Variants in BTBD9 observed in about 807,000 individuals in gnomAD.
BTBD9 encodes the protein BTB domain containing 9, also known as BTB/POZ domain-containing protein 9.
In BTBD9, 49 loss-of-function variants were observed where a neutral mutation model predicts 64.3. That is an observed-to-expected ratio of 0.76 (90% CI 0.61 to 0.97). BTBD9 has a LOEUF of 0.97. Among genes scored for constraint, BTBD9 ranks in the 50% least tolerant of loss-of-function variants. BTBD9 has a pLI of 0.00. For synonymous variants in BTBD9, 260 were observed against 274.7 expected, an observed-to-expected ratio of 0.95 and a Z score of 0.53; for missense variants, 598 against 762.1, an observed-to-expected ratio of 0.78 and a Z score of 2.53.
intron 10 of BTBD9, among the ~76,000 whole-genome samples, chr6:38,182,579 C>G (rs1158689604): frequency 1.3e-5 from 2 of 152,192 alleles, no homozygotes. Flanking sequence ...CAGGGCTGGC[C>G]CATGTGTCTC....
At chr6:38,625,047 A>C (rs1778122925) in intron 1 of BTBD9, among the ~76,000 whole-genome samples, 1 of 152,170 alleles carries the variant, frequency 6.6e-6, no homozygotes, top group African/African-American at 2.4e-5. Flanking sequence ...TCTCCTCCTC[A>C]ATTATTAAGT....
chr6:38,182,750 G>C (rs757294677), intron 10 of BTBD9, among the ~76,000 whole-genome samples: 2 of 152,182 alleles, frequency 1.3e-5, no homozygotes, highest in Non-Finnish European at 2.9e-5. Context: ...GTCTCCATGC[G>C]TCTCACTGCT....
At chr6:38,225,930 T>C (rs1023870753) in intron 9 of BTBD9, among the ~76,000 whole-genome samples, 2 of 152,216 alleles carry the variant, frequency 1.3e-5, no homozygotes, top group African/African-American at 2.4e-5. Flanking sequence ...CTAACAATAC[T>C]GGTACTTGAT....
At chr6:38,299,708 G>GT (rs547604126) in intron 7 of BTBD9, among the ~76,000 whole-genome samples, 1 of 152,018 alleles carries the variant, frequency 6.6e-6, no homozygotes, top group Non-Finnish European at 1.5e-5. Context: ...GGGGTTGTTT[G>GT]TTTTTTTCTT....
chr6:38,198,627 C>T (rs1376867596), intron 9 of BTBD9, among the ~76,000 whole-genome samples: 1 of 152,130 alleles, frequency 6.6e-6, no homozygotes, highest in Non-Finnish European at 1.5e-5. Context: ...AGAGAAAGCA[C>T]ATATCAGAAC....
At chr6:38,210,656 C>A (rs1762805320) in intron 9 of BTBD9, among the ~76,000 whole-genome samples, 1 of 152,064 alleles carries the variant, frequency 6.6e-6, no homozygotes, top group Admixed American at 6.5e-5. Flanking sequence ...GAAGCACCCT[C>A]TTGGTCTGGC....
At chr6:38,434,995 G>A (rs1482799846) in intron 6 of BTBD9, among the ~76,000 whole-genome samples, 1 of 151,770 alleles carries the variant, frequency 6.6e-6, no homozygotes, top group Admixed American at 6.6e-5. Flanking sequence ...GGGAGTTCGA[G>A]ACCAGCCTGA....
chr6:38,398,403 G>A (rs1766781421), intron 6 of BTBD9, among the ~76,000 whole-genome samples: 1 of 152,038 alleles, frequency 6.6e-6, no homozygotes. Flanking sequence ...CTGAATGTTA[G>A]GAATATAAGG....
intron 6 of BTBD9, among the ~76,000 whole-genome samples, chr6:38,393,332 T>C (rs1015998627): frequency 4.6e-5 from 7 of 152,240 alleles, no homozygotes; most frequent in Admixed American, 3.9e-4. Context: ...AGGGCCAACA[T>C]TGTCGACAAG....
intron 8 of BTBD9, among the ~76,000 whole-genome samples, chr6:38,265,739 C>T (rs568806862): frequency 6.6e-6 from 1 of 152,236 alleles, no homozygotes; most frequent in South Asian, 2.1e-4. Context: ...AGATAGGTCT[C>T]AAACTCCTGG....
Position 38,239,941 on chromosome 6 carries a change from C to A in BTBD9, c.1562+16468G>T, listed in dbSNP as rs1763937290. On this transcript the variant is annotated intron_variant, in intron 9 of 10. Transcript: ENST00000481247. ...CCTTATCAGAAAGAGCAGCCTGGCA[C>A]TGGCACAGGAGTGCAACAAAACACG... is the stretch of plus-strand genomic sequence containing the variant. 2.0e-5 allele frequency among the ~76,000 whole-genome samples: 3 copies of A among 152,218 alleles called. No individual in the cohort carries two copies. In the South Asian group the frequency reaches 6.2e-4, roughly 31 times the overall value.
intron 6 of BTBD9, among the ~76,000 whole-genome samples, chr6:38,557,080 C>CCTCACATCTGTAATCCCAGCACTTTGG (rs1775061674): frequency 7.3e-6 from 1 of 136,368 alleles, no homozygotes; most frequent in Non-Finnish European, 1.5e-5. Flanking sequence ...TGGCTCACAT[C>CCTCACATCTGTAATCCCAGCACTTTGG]CTCACATCTG....
intron 7 of BTBD9, 105 bp from the exon 8 acceptor site, chr6:38,288,566 T>C (rs959416084): frequency 3.4e-6 from 3 of 881,230 alleles, no homozygotes; most frequent in Non-Finnish European, 5.2e-6. Context: ...AAATCAATGA[T>C]AAAAGAAAAA....
intron 6 of BTBD9, among the ~76,000 whole-genome samples, chr6:38,553,849 T>C (rs1774911863): frequency 6.7e-6 from 1 of 150,270 alleles, no homozygotes; most frequent in Non-Finnish European, 1.5e-5. Context: ...CGAAACCTTG[T>C]CCCTTAAAAA....
intron 6 of BTBD9, among the ~76,000 whole-genome samples, chr6:38,400,236 A>G (rs1766868367): frequency 1.3e-5 from 2 of 152,026 alleles, no homozygotes; most frequent in Non-Finnish European, 2.9e-5. Flanking sequence ...TCTCGCTGCT[A>G]GCCACTTCCT....
rs760305569 is a variant in BTBD9, at chr6:38,592,744, C to T, written c.646G>A (p.Glu216Lys). The T allele has an allele frequency of 2.5e-5, 40 of 1,614,162 alleles. No homozygotes were observed. In the South Asian group the frequency reaches 2.6e-4, roughly 11 times the overall value. Residue 216 changes from glutamate to lysine, a missense_variant, in exon 4 of 11, where the codon GAG becomes AAG. Coordinates refer to ENST00000481247, the MANE Select transcript of BTBD9 (RefSeq NM_001099272.2). ...LLNWCKHNSK[E>K]NHAEIMQAVR... ...GCCTGCATGATTTCAGCATGATTCT[C>T]CTTTGAATTGTGCTTACACCAGTTT...
intron 6 of BTBD9, among the ~76,000 whole-genome samples, chr6:38,347,805 T>C (rs893094726): frequency 6.6e-6 from 1 of 152,170 alleles, no homozygotes; most frequent in Non-Finnish European, 1.5e-5. Context: ...AAGACCATCC[T>C]GGCTAACACG....
At chr6:38,321,981 C>T (rs1222436415) in intron 7 of BTBD9, among the ~76,000 whole-genome samples, 1 of 151,736 alleles carries the variant, frequency 6.6e-6, no homozygotes, top group Non-Finnish European at 1.5e-5. Flanking sequence ...TGGTCCTTGA[C>T]ATTTCCTAAA....
At chr6:38,323,257 T>TC (rs2127577165) in intron 7 of BTBD9, among the ~76,000 whole-genome samples, 1 of 152,180 alleles carries the variant, frequency 6.6e-6, no homozygotes, top group East Asian at 1.9e-4. Context: ...CCAAATCCCC[T>TC]CCCTCTGCTA....
Sources: allele counts gnomAD v4.1 joint callset (sites outside exome capture counted in the v4.1 genomes callset), GRCh38; gene constraint gnomAD v4.1.1; transcripts MANE v1.5; gene names NCBI Gene and HGNC (gene_info 2026-07-23, HGNC 2026-07-21).